COBL: variants seen among roughly 807,000 people sequenced by gnomAD.
COBL encodes protein cordon-bleu.
COBL carries 51 observed loss-of-function variants against 98.8 expected under a neutral mutation model. That is an observed-to-expected ratio of 0.52 (90% confidence interval 0.41 to 0.65). The LOEUF (loss-of-function observed/expected upper bound fraction) is 0.65. Ranked by LOEUF, COBL falls within the 30% of genes least tolerant of loss-of-function variation. The pLI is 0.00. For missense variants in COBL, 1,617 were observed against 1,617.5 expected, an observed-to-expected ratio of 1.00 and a Z score of 0.01; for synonymous variants, 634 against 651.7, an observed-to-expected ratio of 0.97 and a Z score of 0.41.
intron 6 of COBL, among the ~76,000 whole-genome samples, chr7:51,128,763 T>C (rs897266271): frequency 6.6e-6 from 1 of 152,314 alleles, no homozygotes; most frequent in South Asian, 2.1e-4. Context: ...TGCACCCCCA[T>C]GTGCTCTGGC....
chr7:51,236,063 C>T (rs1448468685), intron 1 of COBL, among the ~76,000 whole-genome samples: 1 of 152,202 alleles, frequency 6.6e-6, no homozygotes, highest in Admixed American at 6.5e-5. Flanking sequence ...CCTGGGCTCA[C>T]TTGGTGTGTC....
rs574329856 is a variant in COBL, at chr7:51,300,226, T to G, written c.41+16367A>C. 1.1e-4 allele frequency among the ~76,000 whole-genome samples: 17 copies of G among 152,312 alleles called. No individual in the cohort carries two copies. The East Asian group carries it at 3.1e-3, about 28-fold the overall frequency. ...CCCAAGCTGGAGTGCAGTGGCATCA[T>G]GTCGGCTCACTGCAACCTCTGTCTC... On this transcript the variant is annotated intron_variant, in intron 1 of 12. Coordinates refer to ENST00000265136, the MANE Select transcript of COBL (RefSeq NM_015198.5).
intron 12 of COBL, among the ~76,000 whole-genome samples, chr7:51,024,085 G>T (rs1048753561): frequency 2.6e-5 from 4 of 152,074 alleles, no homozygotes; most frequent in Admixed American, 2.0e-4. Context: ...CGAGACAGGC[G>T]GATCATGAGG....
At chr7:51,081,612 A>G (rs2128935400) in intron 7 of COBL, among the ~76,000 whole-genome samples, 1 of 152,340 alleles carries the variant, frequency 6.6e-6, no homozygotes, top group African/African-American at 2.4e-5. Context: ...CAGGGAGCCC[A>G]GGAGAAAGCG....
intron 7 of COBL, among the ~76,000 whole-genome samples, chr7:51,057,150 G>A (rs1297905143): frequency 6.6e-6 from 1 of 152,262 alleles, no homozygotes; most frequent in East Asian, 1.9e-4. Flanking sequence ...GTGTTCAGGG[G>A]CCCTTACTGT....
chr7:51,045,827 G>C (rs1467998740), intron 7 of COBL, among the ~76,000 whole-genome samples: 1 of 152,178 alleles, frequency 6.6e-6, no homozygotes, highest in Non-Finnish European at 1.5e-5. Flanking sequence ...GAGAGCCTGT[G>C]GTCTAAATTA....
Position 51,190,966 on chromosome 7 carries a change from A to C in COBL, c.569T>G (p.Val190Gly). 6.2e-7 allele frequency: 1 copy of C among 1,614,114 alleles called. No individual in the cohort carries two copies. Among genetic ancestry groups the C allele is most frequent in the Non-Finnish European group, 8.5e-7 (1 of 1,180,028 alleles). The part of the protein sequence containing the change: ...ILPVICAKCE[V>G]SPEHVVLLRD... ...GAGGAGAACCACGTGCTCTGGGCTG[A>C]CCTCACACTTTGCACAAATGACTGG... Residue 190 changes from valine to glycine, a missense_variant, in exon 4 of 13, where the codon GTC becomes GGC. Physicochemically the swap from Val to Gly is moderately radical, Grantham distance 109. Transcript: ENST00000265136.
rs568380906 is a variant in COBL, at chr7:51,092,960, A to C, written c.958-7656T>G. On this transcript the variant is annotated intron_variant, in intron 6 of 12. Transcript: ENST00000265136. ...GCCCTTTCCAATTTTTCAGCATGCTATATAGTTTTCAGTGTACAGATCTTT... is the reference window on the plus strand; with the variant it reads ...GCCCTTTCCAATTTTTCAGCATGCTCTATAGTTTTCAGTGTACAGATCTTT... Among the ~76,000 whole-genome samples the C allele has an allele frequency of 1.1e-3, 174 of 152,038 alleles. 1 individual carries two copies. In the South Asian group the frequency reaches 0.013, roughly 11 times the overall value.
chr7:51,182,730 A>C (rs1789109651), intron 5 of COBL, among the ~76,000 whole-genome samples: 1 of 152,224 alleles, frequency 6.6e-6, no homozygotes, highest in Admixed American at 6.5e-5. Flanking sequence ...CAAAGGTCTT[A>C]CATAGACATG....
chr7:51,068,647 T>C (rs904409532), intron 7 of COBL, among the ~76,000 whole-genome samples: 12 of 152,250 alleles, frequency 7.9e-5, no homozygotes, highest in Admixed American at 5.2e-4. Context: ...CGATGGTGAG[T>C]GATGGTTTCA....
At chr7:51,301,133 C>A (rs571962438) in intron 1 of COBL, among the ~76,000 whole-genome samples, 1 of 152,050 alleles carries the variant, frequency 6.6e-6, no homozygotes, top group Admixed American at 6.5e-5. Flanking sequence ...TCTGAAGCGG[C>A]CCCCTCCACC....
At chr7:51,060,843 C>T (rs577776903) in intron 7 of COBL, among the ~76,000 whole-genome samples, 1 of 152,158 alleles carries the variant, frequency 6.6e-6, no homozygotes, top group East Asian at 1.9e-4. Flanking sequence ...AGTCAACAGG[C>T]GAAGAAGGGG....
At chr7:51,054,696 G>A (rs536173514) in intron 7 of COBL, among the ~76,000 whole-genome samples, 1 of 152,232 alleles carries the variant, frequency 6.6e-6, no homozygotes, top group African/African-American at 2.4e-5. Context: ...CAGCATCTCA[G>A]CTCTCCCTCA....
intron 2 of COBL, among the ~76,000 whole-genome samples, chr7:51,212,830 G>C (rs1369004340): frequency 6.6e-6 from 1 of 152,188 alleles, no homozygotes; most frequent in Non-Finnish European, 1.5e-5. Flanking sequence ...ACTCAGGTCT[G>C]GGGAAGGGCT....
Position 51,268,763 on chromosome 7 carries a change from C to A in COBL, c.41+47830G>T, listed in dbSNP as rs1044590683. 4.6e-5 allele frequency among the ~76,000 whole-genome samples: 7 copies of A among 152,034 alleles called. No individual in the cohort carries two copies. The South Asian group carries it at 1.5e-3, about 32-fold the overall frequency. ...TGGCCAATATGGTGAAACCCCGCTT[C>A]TACTAAAAATACAAAAATTAGCCAG... On this transcript the variant is annotated intron_variant, in intron 1 of 12. Transcript: ENST00000265136.
chr7:51,169,310 T>G (rs1787628859), intron 5 of COBL, among the ~76,000 whole-genome samples: 1 of 152,144 alleles, frequency 6.6e-6, no homozygotes, highest in East Asian at 1.9e-4. Flanking sequence ...AATGTGAATC[T>G]TACGTGTACT....
At chr7:51,262,173 G>C (rs1441927930) in intron 1 of COBL, among the ~76,000 whole-genome samples, 3 of 152,166 alleles carry the variant, frequency 2.0e-5, no homozygotes, top group Admixed American at 6.5e-5. Flanking sequence ...CAGAGCCAAA[G>C]TGGAGTCTGA....
intron 1 of COBL, among the ~76,000 whole-genome samples, chr7:51,248,043 G>A (rs766042225): frequency 1.8e-4 from 28 of 152,070 alleles, no homozygotes; most frequent in Non-Finnish European, 3.7e-4. Context: ...GGAGGCTGAG[G>A]TGGGAGAATT....
At chr7:51,287,534 T>C (rs1039621570) in intron 1 of COBL, among the ~76,000 whole-genome samples, 1 of 152,240 alleles carries the variant, frequency 6.6e-6, no homozygotes, top group Admixed American at 6.5e-5. Flanking sequence ...CTGGTGGGAA[T>C]GCAAAATGGT....
Sources: gnomAD v4.1 joint callset for allele counts (sites outside exome capture counted in the v4.1 genomes callset) on GRCh38, gnomAD v4.1.1 for gene constraint, MANE v1.5 for transcripts, NCBI Gene and HGNC (gene_info 2026-07-23, HGNC 2026-07-21) for gene names.